The following CCDC102B variants were observed in gnomAD, a reference collection of about 807,000 sequenced individuals.
CCDC102B encodes the protein coiled-coil domain containing 102B, also known as coiled-coil domain-containing protein 102B.
A neutral mutation model predicts 57.4 loss-of-function variants in CCDC102B; 75 were observed. The ratio of observed to expected loss-of-function variants is 1.31; its 90% CI spans 1.08 to 1.58. CCDC102B has a LOEUF of 1.58. Ranked by LOEUF, CCDC102B falls within the 40% of genes most tolerant of loss-of-function variation. The probability of loss-of-function intolerance (pLI) is 0.00; values close to 1 mark genes in which losing one functional copy is unlikely to be tolerated. For missense variants in CCDC102B, 636 were observed against 582.6 expected, an observed-to-expected ratio of 1.09 and a Z score of -0.94; for synonymous variants, 206 against 201.9, an observed-to-expected ratio of 1.02 and a Z score of -0.17.
chr18:68,987,372 A>G lies in CCDC102B; in HGVS notation c.1264-23562A>G, dbSNP rs1253463607. On this transcript the variant is annotated intron_variant, in intron 6 of 7. Coordinates refer to ENST00000360242, the MANE Select transcript of CCDC102B (RefSeq NM_024781.3). ...CTTGGATAACTGGCTAGCCATATGC[A>G]AAGAATGAAATTGGACCCCTATACA... Among the ~76,000 whole-genome samples, 4 of 152,288 alleles carry G rather than the reference A, an allele frequency of 2.6e-5. No individual in the cohort carries two copies. The East Asian group carries it at 7.7e-4, about 29-fold the overall frequency.
chr18:68,844,159 A>G (rs771676725), intron 3 of CCDC102B, among the ~76,000 whole-genome samples: 1 of 151,836 alleles, frequency 6.6e-6, no homozygotes, highest in Non-Finnish European at 1.5e-5. Flanking sequence ...TTCTTTGAAA[A>G]TTTTTGAATT....
At chr18:68,946,162 AACT>A (rs1232247534) in intron 6 of CCDC102B, among the ~76,000 whole-genome samples, 21 of 152,158 alleles carry the variant, frequency 1.4e-4, no homozygotes, top group African/African-American at 4.8e-4. Flanking sequence ...AGCTAGACAA[AACT>A]ACTATTAATC....
intron 6 of CCDC102B, among the ~76,000 whole-genome samples, chr18:69,001,309 C>G (rs1054222824): frequency 3.0e-5 from 1 of 33,120 alleles, no homozygotes; most frequent in Non-Finnish European, 7.3e-5. Flanking sequence ...AGAGTACCTA[C>G]TGATTTGTTG....
intron 2 of CCDC102B, among the ~76,000 whole-genome samples, chr18:68,758,217 A>G (rs929339864): frequency 1.3e-5 from 2 of 151,714 alleles, no homozygotes; most frequent in Non-Finnish European, 2.9e-5. Context: ...ATATGTATAT[A>G]TGTATTACAT....
intron 7 of CCDC102B, among the ~76,000 whole-genome samples, chr18:69,025,427 T>C (rs1011546722): frequency 1.3e-5 from 2 of 152,160 alleles, no homozygotes; most frequent in African/African-American, 4.8e-5. Flanking sequence ...AGAAAATAGC[T>C]TTGGATGTAA....
At chr18:68,786,203 C>G (rs1419110006) in intron 2 of CCDC102B, among the ~76,000 whole-genome samples, 16 of 151,814 alleles carry the variant, frequency 1.1e-4, no homozygotes, top group African/African-American at 2.2e-4. Flanking sequence ...TGTTTTGGTA[C>G]CAGTACCATG....
intron 2 of CCDC102B, among the ~76,000 whole-genome samples, chr18:68,736,211 A>T (rs990534707): frequency 2.6e-5 from 4 of 152,214 alleles, no homozygotes; most frequent in African/African-American, 9.7e-5. Flanking sequence ...ACTAATCAAG[A>T]GTATAAAACT....
In CCDC102B at chr18:68,807,524, C is replaced by T. The variant is rs146795914; in HGVS notation, c.-16+9343C>T. Reference sequence around the variant, plus strand: ...CATGATTGGGAGGCAAAATAAAAACCAAGCAAGCTTTGAGAAATGTAAGAG... The same window carrying T: ...CATGATTGGGAGGCAAAATAAAAACTAAGCAAGCTTTGAGAAATGTAAGAG... On this transcript the variant is annotated intron_variant, in intron 1 of 7. Transcript: ENST00000360242. 2.7e-3 allele frequency among the ~76,000 whole-genome samples: 405 copies of T among 152,078 alleles called. 4 individuals are homozygous for T. Among genetic ancestry groups the T allele is most frequent in the African/African-American group, 9.4e-3 (391 of 41,514 alleles).
chr18:68,986,820 A>G (rs2050737215), intron 6 of CCDC102B, among the ~76,000 whole-genome samples: 1 of 152,270 alleles, frequency 6.6e-6, no homozygotes, highest in East Asian at 1.9e-4. Context: ...CCTCTTTACA[A>G]TAGCCCCATC....
In CCDC102B at chr18:68,838,726, T is replaced by C. The variant is rs1446221013; in HGVS notation, c.627T>C (p.Asp209=). Residue 209 remains aspartate, a synonymous_variant, in exon 3 of 8, where the codon GAT becomes GAC. Coordinates refer to ENST00000360242, the MANE Select transcript of CCDC102B (RefSeq NM_024781.3). ...TTCAGGAACAAGGTGTGGTTATTGA[T>C]TCTCTAAAATTAAGTGAGGAGATGA... is the stretch of plus-strand genomic sequence containing the variant. The part of the protein sequence containing the change: ...TNNKEQGVVI[D]SLKLSEEMKP... 17 of 1,613,824 alleles carry C rather than the reference T, an allele frequency of 1.1e-5. No individual in the cohort carries two copies. The highest frequency in any genetic ancestry group is 1.4e-5 in the Non-Finnish European group (16 of 1,179,888).
chr18:68,906,697 T>C (rs980977843), intron 6 of CCDC102B, among the ~76,000 whole-genome samples: 1 of 152,208 alleles, frequency 6.6e-6, no homozygotes, highest in Non-Finnish European at 1.5e-5. Context: ...TGTATTTTTG[T>C]TGGAGAATTG....
intron 6 of CCDC102B, among the ~76,000 whole-genome samples, chr18:68,938,990 T>A (rs1175601043): frequency 6.6e-6 from 1 of 151,802 alleles, no homozygotes; most frequent in Non-Finnish European, 1.5e-5. Flanking sequence ...TCTTTTGAAA[T>A]AGATAACCAA....
At chr18:68,740,660 T>C (rs1272397617) in intron 2 of CCDC102B, among the ~76,000 whole-genome samples, 2 of 152,056 alleles carry the variant, frequency 1.3e-5, no homozygotes, top group Non-Finnish European at 1.5e-5. Context: ...GGTGGTGGAG[T>C]AGATCGCATG....
At chr18:68,818,611 T>C (rs1225150579) in intron 1 of CCDC102B, among the ~76,000 whole-genome samples, 2 of 152,202 alleles carry the variant, frequency 1.3e-5, no homozygotes, top group East Asian at 3.8e-4. Flanking sequence ...TTTGAACTTA[T>C]TATAATTGGG....
chr18:68,715,889 A>C (rs1049430952), intron 1 of CCDC102B, among the ~76,000 whole-genome samples: 1 of 152,142 alleles, frequency 6.6e-6, no homozygotes, highest in Non-Finnish European at 1.5e-5. Context: ...AATTTTGAAA[A>C]CCTGTGACAA....
At chr18:68,875,294 G>A (rs1015444464) in intron 5 of CCDC102B, among the ~76,000 whole-genome samples, 24 of 152,010 alleles carry the variant, frequency 1.6e-4, no homozygotes, top group Admixed American at 9.8e-4. Context: ...ATGAATTTTC[G>A]CAAATGTGTA....
intron 5 of CCDC102B, among the ~76,000 whole-genome samples, chr18:68,889,950 C>T (rs991343246): frequency 2.0e-5 from 3 of 152,148 alleles, no homozygotes; most frequent in African/African-American, 7.2e-5. Flanking sequence ...CTGTGTTCAT[C>T]CTGTACTTTC....
chr18:68,836,301 C>T (rs80262946), intron 1 of CCDC102B, among the ~76,000 whole-genome samples: 1 of 152,212 alleles, frequency 6.6e-6, no homozygotes, highest in East Asian at 1.9e-4. Context: ...TTAAATTCCT[C>T]TGTATTTTTA....
chr18:68,904,124 T>C (rs2040543683), intron 6 of CCDC102B, among the ~76,000 whole-genome samples: 1 of 149,466 alleles, frequency 6.7e-6, no homozygotes, highest in Admixed American at 6.7e-5. Flanking sequence ...TGTTATAAAA[T>C]AGAAATTATT....
Sources: gnomAD v4.1 joint callset for allele counts (sites outside exome capture counted in the v4.1 genomes callset) on GRCh38, gnomAD v4.1.1 for gene constraint, MANE v1.5 for transcripts, NCBI Gene and HGNC (gene_info 2026-07-23, HGNC 2026-07-21) for gene names.